PHLDB2: variants seen among roughly 807,000 people sequenced by gnomAD.
PHLDB2 encodes pleckstrin homology-like domain family B member 2.
PHLDB2 carries 71 observed loss-of-function variants against 123.6 expected under a neutral mutation model. That is an observed-to-expected ratio of 0.57 (90% CI 0.47 to 0.70). The LOEUF is 0.70. PHLDB2 is among the 30% of genes least tolerant of loss of function. PHLDB2 has a pLI of 0.00. For missense variants in PHLDB2, 1,446 were observed against 1,519.5 expected, an observed-to-expected ratio of 0.95 and a Z score of 0.80; for synonymous variants, 547 against 541.6, an observed-to-expected ratio of 1.01 and a Z score of -0.14.
At chr3:111,827,620 GC>G (rs1288470389) in intron 1 of PHLDB2, among the ~76,000 whole-genome samples, 2 of 148,604 alleles carry the variant, frequency 1.3e-5, no homozygotes, top group Non-Finnish European at 3.0e-5. Flanking sequence ...CTTGCAGTGA[GC>G]CGAGATTGGA....
chr3:111,951,310 T>C (rs1477193861), intron 10 of PHLDB2, among the ~76,000 whole-genome samples: 2 of 152,180 alleles, frequency 1.3e-5, no homozygotes. Flanking sequence ...AATATAGAGA[T>C]AGTAATAGTA....
chr3:111,835,219 G>T (rs1202792415), intron 1 of PHLDB2, among the ~76,000 whole-genome samples: 1 of 152,068 alleles, frequency 6.6e-6, no homozygotes. Flanking sequence ...ATGGATTGGG[G>T]AAGAAACTTG....
At chr3:111,945,712 C>T (rs35273140) in intron 9 of PHLDB2, among the ~76,000 whole-genome samples, 19,163 of 151,794 alleles carry the variant, frequency 0.13, 1,574 homozygotes, top group Non-Finnish European at 0.18. Context: ...CTCCTTTCTC[C>T]CTCCCCTCTC....
At chr3:111,752,604 G>A (rs1425998273) in intron 1 of PHLDB2, among the ~76,000 whole-genome samples, 2 of 150,712 alleles carry the variant, frequency 1.3e-5, no homozygotes, top group Non-Finnish European at 3.0e-5. Context: ...TTTTCATTCG[G>A]TTATTTTCTA....
At chr3:111,847,162 G>A (rs2108587171) in intron 2 of PHLDB2, among the ~76,000 whole-genome samples, 1 of 152,244 alleles carries the variant, frequency 6.6e-6, no homozygotes, top group Admixed American at 6.5e-5. Flanking sequence ...CTAATCTGAG[G>A]ATTCCAGATT....
At chr3:111,793,648 G>A (rs1208705228) in intron 1 of PHLDB2, among the ~76,000 whole-genome samples, 3 of 151,920 alleles carry the variant, frequency 2.0e-5, no homozygotes, top group East Asian at 2.0e-4. Context: ...ATGGGACTAG[G>A]TCTCATCCAA....
intron 1 of PHLDB2, among the ~76,000 whole-genome samples, chr3:111,810,966 T>G (rs925601258): frequency 6.6e-6 from 1 of 152,158 alleles, no homozygotes; most frequent in Non-Finnish European, 1.5e-5. Context: ...CAGAAGAGAT[T>G]TCAAAGAGCT....
At chr3:111,877,331 C>CT (rs1432713422) in intron 1 of PHLDB2, among the ~76,000 whole-genome samples, 1 of 152,142 alleles carries the variant, frequency 6.6e-6, no homozygotes, top group Non-Finnish European at 1.5e-5. Flanking sequence ...TGATGATGAG[C>CT]TTTTTTTTCA....
At chr3:111,819,173 C>T (rs6802653) in intron 1 of PHLDB2, among the ~76,000 whole-genome samples, 6,437 of 152,006 alleles carry the variant, frequency 0.042, 460 homozygotes, top group African/African-American at 0.15. Flanking sequence ...ATGAGGTCTA[C>T]CATTGTGGCT....
At chr3:111,757,153 CT>C (rs1352859699) in intron 1 of PHLDB2, among the ~76,000 whole-genome samples, 2 of 152,138 alleles carry the variant, frequency 1.3e-5, no homozygotes, top group Non-Finnish European at 2.9e-5. Flanking sequence ...CGAGGAGTAT[CT>C]TTGTGGAGTT....
intron 16 of PHLDB2, among the ~76,000 whole-genome samples, chr3:111,972,684 TC>T (rs1488633317): frequency 6.6e-6 from 1 of 152,000 alleles, no homozygotes. Context: ...AAGGGTTTTT[TC>T]CTTAGGAGCA....
intron 1 of PHLDB2, among the ~76,000 whole-genome samples, chr3:111,877,557 G>A (rs149774688): frequency 3.3e-5 from 5 of 152,270 alleles, no homozygotes; most frequent in Admixed American, 1.3e-4. Context: ...CTGTGCAGAA[G>A]CTCTTTAGTT....
chr3:111,879,186 CTT>C (rs1293793443), intron 1 of PHLDB2, among the ~76,000 whole-genome samples: 1 of 152,116 alleles, frequency 6.6e-6, no homozygotes. Flanking sequence ...TGGTCCTGGA[CTT>C]TTTTTGGTTG....
intron 5 of PHLDB2, among the ~76,000 whole-genome samples, chr3:111,921,330 T>C (rs2068487706): frequency 6.6e-6 from 1 of 152,162 alleles, no homozygotes; most frequent in African/African-American, 2.4e-5. Context: ...TCCACTAAGC[T>C]GAGAAAAAGA....
intron 6 of PHLDB2, among the ~76,000 whole-genome samples, chr3:111,935,155 A>T (rs973994738): frequency 2.4e-5 from 3 of 125,774 alleles, no homozygotes; most frequent in Non-Finnish European, 4.7e-5. Flanking sequence ...GCTGGAGGGT[A>T]GTAGTGCGAT....
chr3:111,759,749 T>A (rs2059962019), intron 1 of PHLDB2, among the ~76,000 whole-genome samples: 1 of 152,194 alleles, frequency 6.6e-6, no homozygotes, highest in African/African-American at 2.4e-5. Flanking sequence ...CAAACAAATC[T>A]CAGATTAAGT....
chr3:111,866,455 G>GGAATTCCA (rs1446016182), intron 1 of PHLDB2, among the ~76,000 whole-genome samples: 1 of 152,112 alleles, frequency 6.6e-6, no homozygotes, highest in Non-Finnish European at 1.5e-5. Flanking sequence ...TTAGGGAATG[G>GGAATTCCA]GAATTCCAGC....
intron 1 of PHLDB2, among the ~76,000 whole-genome samples, chr3:111,752,881 G>A (rs1321024625): frequency 6.6e-6 from 1 of 150,576 alleles, no homozygotes; most frequent in African/African-American, 2.5e-5. Context: ...TCCCACCTAT[G>A]AGTGAGAATA....
intron 12 of PHLDB2, among the ~76,000 whole-genome samples, chr3:111,961,186 C>T (rs1037472138): frequency 6.6e-6 from 1 of 152,148 alleles, no homozygotes; most frequent in Non-Finnish European, 1.5e-5. Context: ...CAAAAGTTAG[C>T]TGAGTATGGT....
Sources: gnomAD v4.1 joint callset for allele counts (sites outside exome capture counted in the v4.1 genomes callset) on GRCh38, gnomAD v4.1.1 for gene constraint, MANE v1.5 for transcripts, NCBI Gene and HGNC (gene_info 2026-07-23, HGNC 2026-07-21) for gene names.